ZNF496: variants seen among roughly 807,000 people sequenced by gnomAD.
The protein encoded by ZNF496 is NSD1 (nuclear receptor binding SET-domain containing 1)-interacting zinc finger protein 1.
In ZNF496, 11 loss-of-function variants were observed where a neutral mutation model predicts 58.9. The ratio of observed to expected loss-of-function variants is 0.19; its 90% CI spans 0.12 to 0.31. The LOEUF is 0.31. ZNF496 is among the 10% of genes least tolerant of loss of function. The pLI, the probability that ZNF496 is intolerant of heterozygous loss-of-function variation, is 1.00. For synonymous variants in ZNF496, 338 were observed against 318.2 expected, an observed-to-expected ratio of 1.06 and a Z score of -0.66; for missense variants, 660 against 783.0, an observed-to-expected ratio of 0.84 and a Z score of 1.88.
At chr1:247,323,401 GTTC>G (rs1467954581) in intron 5 of ZNF496, among the ~76,000 whole-genome samples, 171 bp from the exon 6 acceptor site, 1 of 152,146 alleles carries the variant, frequency 6.6e-6, no homozygotes, top group African/African-American at 2.4e-5. Context: ...CCCAGTCTCT[GTTC>G]TTAACTGTAA....
intron 9 of ZNF496, among the ~76,000 whole-genome samples, chr1:247,303,111 T>C (rs533162621): frequency 6.6e-6 from 1 of 152,228 alleles, no homozygotes; most frequent in African/African-American, 2.4e-5. Context: ...TTTCAAGAAG[T>C]AATTAAGTCA....
Position 247,310,474 on chromosome 1 carries a change from C to T in ZNF496, c.652-18G>A, listed in dbSNP as rs1386616744. On this transcript the variant is annotated intron_variant, in intron 6 of 9. Coordinates refer to ENST00000682384, the MANE Select transcript of ZNF496 (RefSeq NM_032752.3). ...ACCCGACTCTGAAAGCACAGGAGAA[C>T]AGGGATGCCTCAGTCCGGGACGAGC... 1.2e-6 allele frequency: 2 copies of T among 1,613,900 alleles called. No homozygotes were observed. Among genetic ancestry groups the T allele is most frequent in the Admixed American group, 3.3e-5 (2 of 60,022 alleles).
chr1:247,313,367 T>C (rs1659668099), intron 6 of ZNF496: 1 of 152,268 alleles, frequency 6.6e-6, no homozygotes, highest in South Asian at 2.1e-4. Context: ...GGAGACCGAC[T>C]ACCCCAGGTC....
Position 247,300,474 on chromosome 1 carries a change from A to G in ZNF496, c.*45T>C. The G allele has an allele frequency of 6.4e-7, 1 of 1,558,622 alleles. No individual in the cohort carries two copies. On this transcript the variant is annotated 3_prime_UTR_variant, in exon 10 of 10. Transcript: ENST00000682384. This position sits in a 1 kb window ranked among gnomAD's most constrained non-coding sequence, Gnocchi z 5.7. Reference sequence around the variant, plus strand: ...GGGGGCGCTGATCAGTACCAAGGTGAGGGGGCAGCACCAGCCAGGGTGAGG... The same window carrying G: ...GGGGGCGCTGATCAGTACCAAGGTGGGGGGGCAGCACCAGCCAGGGTGAGG...
intron 6 of ZNF496, among the ~76,000 whole-genome samples, chr1:247,316,135 GGTGTGTGTGT>G (rs148003455): frequency 1.1e-3 from 151 of 139,922 alleles, no homozygotes; most frequent in African/African-American, 2.5e-3. Flanking sequence ...CTGGGAGAGG[GGTGTGTGTGT>G]GTGTGTGTGT....
intron 6 of ZNF496, chr1:247,311,188 T>G (rs1446992825): frequency 6.6e-6 from 1 of 151,888 alleles, no homozygotes; most frequent in African/African-American, 2.4e-5. Context: ...TTACCTGAGG[T>G]CAGGAGTTTG....
intron 2 of ZNF496, among the ~76,000 whole-genome samples, chr1:247,331,089 G>C (rs1320003356): frequency 6.6e-6 from 1 of 152,124 alleles, no homozygotes; most frequent in Non-Finnish European, 1.5e-5. Context: ...CACCTGCAGC[G>C]CCCAGGACTA....
chr1:247,308,939 G>A lies in ZNF496; in HGVS notation c.893-351C>T, dbSNP rs550296395. On this transcript the variant is annotated intron_variant, in intron 8 of 9. Coordinates refer to ENST00000682384, the MANE Select transcript of ZNF496 (RefSeq NM_032752.3). This position sits in a 1 kb window ranked among gnomAD's most constrained non-coding sequence, Gnocchi z 4.5. ...ATCACCACAGGCTCCTGCACACTCC[G>A]CACATCCTGCACAAACAGCTTGTGC... is the stretch of plus-strand genomic sequence containing the variant. The A allele has an allele frequency of 6.7e-4, 191 of 286,942 alleles. No individual in the cohort carries two copies. The highest frequency in any genetic ancestry group is 1.1e-3 in the Non-Finnish European group (169 of 147,754). The allele number at this position is 286,942 out of a possible 1,614,324, so 17.8% of individuals were successfully genotyped here. A position where few individuals can be genotyped will look rare whatever the true frequency, so the allele number is the denominator to read the frequency against.
At chr1:247,321,816 G>T (rs955942635) in intron 6 of ZNF496, among the ~76,000 whole-genome samples, 1 of 152,214 alleles carries the variant, frequency 6.6e-6, no homozygotes, top group African/African-American at 2.4e-5. Flanking sequence ...TACCTCCTTT[G>T]TGTTTGGAAA....
At position 247,321,526 on chromosome 1, in the gene ZNF496, TACC is replaced by T. The variant is rs893936756; in HGVS notation, c.651+1625_651+1627del. On this transcript the variant is annotated intron_variant, in intron 6 of 9. Transcript: ENST00000682384. The stretch of plus-strand genomic sequence containing the variant: ...GGAAAATTTTACGCTATGTGTATAT[TACC>T]ACAATTAAAAACAGAAATTAAAAAA... Among the ~76,000 whole-genome samples the T allele has an allele frequency of 3.3e-5, 5 of 152,208 alleles. No individual in the cohort carries two copies. The South Asian group carries it at 6.2e-4, about 19-fold the overall frequency.
chr1:247,309,475 C>A lies in ZNF496; in HGVS notation c.892+224G>T. The A allele has an allele frequency of 7.2e-7, 1 of 1,384,358 alleles. No individual in the cohort carries two copies. Among genetic ancestry groups the A allele is most frequent in the Non-Finnish European group, 9.3e-7 (1 of 1,073,232 alleles). 85.8% of individuals were successfully genotyped at this position (1,384,358 alleles called of 1,614,324 possible). On this transcript the variant is annotated intron_variant, in intron 8 of 9. Transcript: ENST00000682384. This position sits in a 1 kb window ranked among gnomAD's most constrained non-coding sequence, Gnocchi z 4.3. Reference sequence around the variant, plus strand: ...AAAGACATTCCTATTATTTCCCAGTCCTTGGCCAAGGGAGTACAATTCCAA... The same window carrying A: ...AAAGACATTCCTATTATTTCCCAGTACTTGGCCAAGGGAGTACAATTCCAA...
intron 6 of ZNF496, among the ~76,000 whole-genome samples, chr1:247,319,128 C>A (rs140145097): frequency 0.01 from 1,558 of 152,270 alleles, 16 homozygotes; most frequent in South Asian, 0.017. Flanking sequence ...ACTATAGGAG[C>A]ACACCACCAT....
At chr1:247,305,374 G>GT (rs1057324744) in intron 9 of ZNF496, among the ~76,000 whole-genome samples, 4 of 152,208 alleles carry the variant, frequency 2.6e-5, no homozygotes, top group African/African-American at 9.7e-5. Flanking sequence ...TATTATTTCT[G>GT]TTTTCCAAAT....
At chr1:247,307,987 C>T in intron 9 of ZNF496, 1 of 985,412 alleles carries the variant, frequency 1.0e-6, no homozygotes, top group Non-Finnish European at 1.2e-6. Context: ...GCTCTTTAAT[C>T]CCAGTTCCAA....
chr1:247,329,086 C>G lies in ZNF496; in HGVS notation c.390+103G>C. 2 of 1,564,046 alleles carry G rather than the reference C, an allele frequency of 1.3e-6. No homozygotes were observed. Among genetic ancestry groups the G allele is most frequent in the South Asian group, 2.3e-5 (2 of 88,716 alleles). The stretch of plus-strand genomic sequence containing the variant: ...GTCTGGACCTAACCAAAGTAAATGG[C>G]TCTCGATGGAACTCCTCATTCCCCA... On this transcript the variant is annotated intron_variant, in intron 4 of 9. Transcript: ENST00000682384. The surrounding 1 kb of genome is among the most constrained non-coding windows in gnomAD (Gnocchi z 5.5).
rs925380187 is a variant in ZNF496, at chr1:247,329,546, A to C, written c.33T>G (p.Ala11=). The C allele has an allele frequency of 6.4e-7, 1 of 1,570,176 alleles. No individual in the cohort carries two copies. Among genetic ancestry groups the C allele is most frequent in the African/African-American group, 1.4e-5 (1 of 72,234 alleles). Residue 11 remains alanine, a synonymous_variant, in exon 4 of 10, where the codon GCT becomes GCG. Transcript: ENST00000682384. This position sits in a 1 kb window ranked among gnomAD's most constrained non-coding sequence, Gnocchi z 5.5. ...TCCTGGGCTCCTCACTTTCCTTCGG[A>C]GCCAAGACTCGGGGGCACAGGGCTG... MPTALCPRVL[A]PKESEEPRKM... is the part of the protein sequence containing the mutation.
At chr1:247,302,822 C>A (rs1217904480) in intron 9 of ZNF496, among the ~76,000 whole-genome samples, 1 of 152,068 alleles carries the variant, frequency 6.6e-6, no homozygotes, top group Non-Finnish European at 1.5e-5. Context: ...ACTTTGTGGA[C>A]CTCATGGGGT....
rs960400565 is a variant in ZNF496 at position 247,309,011 on chromosome 1, A to C, written c.893-423T>G. ...GTACAGGAGCTACTGCACCACACCA[A>C]GTCTCTGAACGCTTGTTCCAGGTGG... is the stretch of plus-strand genomic sequence containing the variant. On this transcript the variant is annotated intron_variant, in intron 8 of 9. Coordinates refer to ENST00000682384, the MANE Select transcript of ZNF496 (RefSeq NM_032752.3). This position sits in a 1 kb window ranked among gnomAD's most constrained non-coding sequence, Gnocchi z 4.3. 1 of 186,650 alleles carries C rather than the reference A, an allele frequency of 5.4e-6. No homozygotes were observed. Among genetic ancestry groups the C allele is most frequent in the Non-Finnish European group, 1.1e-5 (1 of 89,138 alleles). 11.6% of individuals were successfully genotyped at this position (186,650 alleles called of 1,614,324 possible).
chr1:247,310,533 ACAACACAACGCTGTAGGACGGGCAGTTT>A, intron 6 of ZNF496, 77 bp from the exon 7 acceptor site: 1 of 1,573,152 alleles, frequency 6.4e-7, no homozygotes, highest in Admixed American at 1.7e-5. Flanking sequence ...TGAGGCTGTG[ACAACACAACGCTGTAGGACGGGCAGTTT>A]CTATACAACA....
Sources: allele counts gnomAD v4.1 joint callset (sites outside exome capture counted in the v4.1 genomes callset), GRCh38; gene constraint gnomAD v4.1.1; non-coding constraint Gnocchi (gnomAD v3.1); transcripts MANE v1.5; gene names NCBI Gene and HGNC (gene_info 2026-07-23, HGNC 2026-07-21).